The following ANK2 variants were observed in gnomAD, a reference collection of about 807,000 sequenced individuals.
ANK2 encodes the protein ankyrin 2.
ANK2 carries 83 observed loss-of-function variants against 360.5 expected under a neutral mutation model. That is an observed-to-expected ratio of 0.23 (90% confidence interval 0.19 to 0.28). The LOEUF (loss-of-function observed/expected upper bound fraction) is 0.28. Ranked by LOEUF, ANK2 falls within the 10% of genes least tolerant of loss-of-function variation. The pLI is 1.00. For missense variants in ANK2, 4,201 were observed against 4,795.7 expected, an observed-to-expected ratio of 0.88 and a Z score of 3.66; for synonymous variants, 1,740 against 1,759.5, an observed-to-expected ratio of 0.99 and a Z score of 0.28.
At chr4:112,978,856 A>G (rs533202647) in intron 2 of ANK2, among the ~76,000 whole-genome samples, 2 of 152,326 alleles carry the variant, frequency 1.3e-5, no homozygotes, top group Non-Finnish European at 1.5e-5. Flanking sequence ...TTTTTACTCT[A>G]AAGAGACCAC....
intron 2 of ANK2, among the ~76,000 whole-genome samples, chr4:112,995,618 T>A (rs1205261967): frequency 1.3e-5 from 2 of 152,206 alleles, no homozygotes; most frequent in Non-Finnish European, 2.9e-5. Context: ...CTCTTCAATT[T>A]TTGTTTTTGT....
intron 2 of ANK2, among the ~76,000 whole-genome samples, chr4:112,957,972 G>A (rs2031540851): frequency 6.6e-6 from 1 of 151,412 alleles, no homozygotes; most frequent in South Asian, 2.1e-4. Context: ...GCGGGGCAGA[G>A]GCGCTCCCCA....
intron 1 of ANK2, among the ~76,000 whole-genome samples, chr4:112,831,820 C>T (rs1011116157): frequency 9.9e-5 from 15 of 152,166 alleles, no homozygotes; most frequent in African/African-American, 3.6e-4. Context: ...ACCACGAACT[C>T]ACTGGGAGGA....
chr4:112,909,710 T>C (rs1296598150), intron 2 of ANK2, among the ~76,000 whole-genome samples: 2 of 152,228 alleles, frequency 1.3e-5, no homozygotes, highest in African/African-American at 4.8e-5. Context: ...CACTCTGTGA[T>C]GAGCGTTTCT....
At chr4:113,156,719 C>T (rs935281399) in intron 1 of ANK2, among the ~76,000 whole-genome samples, 1 of 151,668 alleles carries the variant, frequency 6.6e-6, no homozygotes, top group Admixed American at 6.6e-5. Context: ...TTAAGTTTGA[C>T]TAATGGGATT....
chr4:112,812,091 A>G, the ANK2 span, among the ~76,000 whole-genome samples: 1 of 151,664 alleles, frequency 6.6e-6, no homozygotes, highest in South Asian at 2.1e-4. Flanking sequence ...AAAAAAAAAA[A>G]AAAAAAGAGC....
intron 32 of ANK2, among the ~76,000 whole-genome samples, chr4:113,340,358 T>C (rs1337081000): frequency 6.6e-6 from 1 of 152,026 alleles, no homozygotes; most frequent in East Asian, 1.9e-4. Context: ...GAAGGTGTAG[T>C]GGGGGATAGC....
chr4:113,251,602 C>T (rs193232993), intron 10 of ANK2, among the ~76,000 whole-genome samples: 1 of 150,856 alleles, frequency 6.6e-6, no homozygotes. Context: ...CTTGCCTCAG[C>T]CTCCCGAGTA....
In ANK2 at chr4:113,355,174, G is replaced by A. The variant is rs745422554; in HGVS notation, c.6556G>A (p.Glu2186Lys). 5.6e-6 allele frequency: 9 copies of A among 1,614,002 alleles called. No homozygotes were observed. The South Asian group carries it at 6.6e-5, about 12-fold the overall frequency. The change falls in exon 38 of 46, where the codon GAG (glutamate) becomes AAG (lysine). Residue 2186 changes from glutamate to lysine, a missense_variant. By Grantham distance (56) the Glu-to-Lys change is moderately conservative. Around this residue, in one of 4 missense-constraint regions of ANK2, gnomAD observed 2,642 missense variants for 2,714.5 expected, o/e 0.97. Transcript: ENST00000357077. The stretch of plus-strand genomic sequence containing the variant: ...ATTTCCACTCGACTACATGAAAGAT[G>A]AGTTCCTTCCAGCTCTGTCTTTACA... ...TTFPLDYMKD[E>K]FLPALSLQSG...
At chr4:112,861,839 C>CAGAGAGAGAGAGAGAGAGAGAG (rs141841376) in intron 1 of ANK2, among the ~76,000 whole-genome samples, 1,500 of 140,354 alleles carry the variant, frequency 0.011, 23 homozygotes, top group Middle Eastern at 0.033. Flanking sequence ...TACATAGAGA[C>CAGAGAGAGAGAGAGAGAGAGAG]AGAGAGAGAG....
In ANK2 at chr4:113,092,102, C is replaced by T. The variant is rs192224571; in HGVS notation, c.84+42290C>T. The stretch of plus-strand genomic sequence containing the variant: ...TTTCCATTTTAAATGTCATTTTTTT[C>T]TCTTCTGAGATTGTTTGAATATAGC... On this transcript the variant is annotated intron_variant, in intron 1 of 45. Transcript: ENST00000357077. 1.3e-3 allele frequency among the ~76,000 whole-genome samples: 197 copies of T among 150,374 alleles called. 1 individual carries two copies. Among genetic ancestry groups the T allele is most frequent in the Admixed American group, 3.1e-3 (47 of 15,144 alleles).
chr4:113,326,432 AGTT>A (rs2089970128), intron 26 of ANK2, among the ~76,000 whole-genome samples: 1 of 152,076 alleles, frequency 6.6e-6, no homozygotes, highest in African/African-American at 2.4e-5. Flanking sequence ...CATTTTTATC[AGTT>A]GTTTGGCAAT....
intron 10 of ANK2, among the ~76,000 whole-genome samples, chr4:113,251,996 G>A (rs2153611424): frequency 6.6e-6 from 1 of 152,122 alleles, no homozygotes; most frequent in Admixed American, 6.5e-5. Flanking sequence ...TCCGTTTCAC[G>A]CTACTGATAA....
At chr4:113,346,469 C>T (rs1258469351) in intron 35 of ANK2, among the ~76,000 whole-genome samples, 1 of 152,090 alleles carries the variant, frequency 6.6e-6, no homozygotes, top group East Asian at 1.9e-4. Context: ...TCACAGGTGG[C>T]TTACATATTA....
At chr4:112,777,441 C>T in the ANK2 span, among the ~76,000 whole-genome samples, 12 of 151,968 alleles carry the variant, frequency 7.9e-5, no homozygotes, top group African/African-American at 2.9e-4. Context: ...CAGGGTTTCA[C>T]CGTGTTGGCC....
At chr4:112,832,172 C>G (rs1409913469) in intron 1 of ANK2, among the ~76,000 whole-genome samples, 1 of 152,226 alleles carries the variant, frequency 6.6e-6, no homozygotes, top group African/African-American at 2.4e-5. Context: ...CTGCCTCAGC[C>G]TCTTGAGTGG....
chr4:112,711,287 C>T, the ANK2 span, among the ~76,000 whole-genome samples: 1 of 151,984 alleles, frequency 6.6e-6, no homozygotes, highest in South Asian at 2.1e-4. Context: ...AGTCGTTCTG[C>T]ATTATAGCCT....
intron 9 of ANK2, among the ~76,000 whole-genome samples, chr4:113,245,048 C>T (rs1585916827): frequency 6.6e-6 from 1 of 152,100 alleles, no homozygotes; most frequent in South Asian, 2.1e-4. Context: ...TAAGTTTTTG[C>T]TATGTGAATA....
chr4:112,927,507 TG>T (rs2092713606), intron 2 of ANK2, among the ~76,000 whole-genome samples: 1 of 152,206 alleles, frequency 6.6e-6, no homozygotes, highest in Non-Finnish European at 1.5e-5. Flanking sequence ...ATATTCCCTT[TG>T]CTCATTGTTG....
Sources: gnomAD v4.1 joint callset for allele counts (sites outside exome capture counted in the v4.1 genomes callset) on GRCh38, gnomAD v4.1.1 for gene constraint, gnomAD v4.1.1 regional missense constraint, MANE v1.5 for transcripts, NCBI Gene and HGNC (gene_info 2026-07-23, HGNC 2026-07-21) for gene names.